Variants in SLC35F2 observed in about 807,000 individuals in gnomAD.
The protein encoded by SLC35F2 is queuine/queuosine transporter SLC35F2.
Under a neutral mutation model 38.1 loss-of-function variants are expected in SLC35F2, and 25 were observed. The observed-to-expected ratio is 0.66, with a 90% CI of 0.48 to 0.92. The LOEUF (loss-of-function observed/expected upper bound fraction) is 0.92, where lower values mean the gene tolerates loss of function less well. SLC35F2 is among the 40% of genes least tolerant of loss of function. The probability of loss-of-function intolerance (pLI) is 0.00; values close to 1 mark genes in which losing one functional copy is unlikely to be tolerated. For missense variants in SLC35F2, 409 were observed against 452.9 expected (o/e 0.90, Z 0.88); for synonymous variants, 173 against 181.7 (o/e 0.95, Z 0.38).
At chr11:107,793,238 G>A (rs774998449) in intron 7 of SLC35F2, among the ~76,000 whole-genome samples, 4 of 152,178 alleles carry the variant, frequency 2.6e-5, no homozygotes, top group Admixed American at 1.3e-4. Context: ...TTTTCTGAAA[G>A]TTACCTAAGG....
intron 1 of SLC35F2, among the ~76,000 whole-genome samples, chr11:107,818,072 A>AAAAAG (rs1555084051): frequency 7.2e-4 from 49 of 68,488 alleles, no homozygotes; most frequent in Non-Finnish European, 9.5e-4. Context: ...AAAAAAAAAA[A>AAAAAG]AAAGAAAGAA....
intron 1 of SLC35F2, among the ~76,000 whole-genome samples, chr11:107,846,405 A>G (rs1311273919): frequency 6.6e-6 from 1 of 152,130 alleles, no homozygotes; most frequent in Non-Finnish European, 1.5e-5. Context: ...AGTCTCATAT[A>G]TTTGTCTTAA....
At chr11:107,794,088 T>C (rs1323060323) in intron 7 of SLC35F2, among the ~76,000 whole-genome samples, 2 of 151,474 alleles carry the variant, frequency 1.3e-5, no homozygotes, top group African/African-American at 4.8e-5. Context: ...TTTTTCTTTT[T>C]TTTTTTTTTT....
chr11:107,849,770 C>T (rs1860149252), intron 1 of SLC35F2, among the ~76,000 whole-genome samples: 1 of 151,596 alleles, frequency 6.6e-6, no homozygotes, highest in Non-Finnish European at 1.5e-5. Flanking sequence ...AAGAAGCAAA[C>T]AAAAGAAGGA....
At chr11:107,849,001 GA>G (rs1188459493) in intron 1 of SLC35F2, among the ~76,000 whole-genome samples, 2 of 152,112 alleles carry the variant, frequency 1.3e-5, no homozygotes, top group South Asian at 2.1e-4. Context: ...ATTTTTGAAA[GA>G]GTAAAGCAGC....
intron 3 of SLC35F2, chr11:107,809,964 A>T: frequency 2.0e-6 from 2 of 985,412 alleles, no homozygotes; most frequent in Non-Finnish European, 2.4e-6. Context: ...CATGAGCAGC[A>T]ACCTGGGCCA....
chr11:107,845,586 G>C (rs1489720178), intron 1 of SLC35F2, among the ~76,000 whole-genome samples: 1 of 151,996 alleles, frequency 6.6e-6, no homozygotes, highest in Non-Finnish European at 1.5e-5. Context: ...GGTTTTTCAT[G>C]GAATCTCTCT....
At chr11:107,804,201 T>C (rs1859360886) in intron 6 of SLC35F2, among the ~76,000 whole-genome samples, 1 of 152,088 alleles carries the variant, frequency 6.6e-6, no homozygotes, top group Non-Finnish European at 1.5e-5. Flanking sequence ...ATGACACCTA[T>C]GTACTGTTTA....
intron 1 of SLC35F2, among the ~76,000 whole-genome samples, chr11:107,833,295 G>A (rs1859879077): frequency 6.6e-6 from 1 of 152,092 alleles, no homozygotes; most frequent in African/African-American, 2.4e-5. Context: ...GCTGAGGTGG[G>A]CAGATCACGA....
chr11:107,810,619 T>A (rs1003500678), intron 3 of SLC35F2: 9 of 985,268 alleles, frequency 9.1e-6, no homozygotes, highest in Non-Finnish European at 1.1e-5. Flanking sequence ...GTGCCTCCTA[T>A]AGTGTCTGTC....
intron 1 of SLC35F2, among the ~76,000 whole-genome samples, chr11:107,853,775 C>CAG (rs1860231200): frequency 6.7e-6 from 1 of 149,824 alleles, no homozygotes; most frequent in Non-Finnish European, 1.5e-5. Context: ...GTCCAGCACT[C>CAG]TGCTACAAAA....
At chr11:107,858,537 C>A (rs748561488) in intron 1 of SLC35F2, 121 bp downstream of exon 1, 82 of 909,274 alleles carry the variant, frequency 9.0e-5, no homozygotes, top group South Asian at 1.2e-4. Context: ...GAAGTCCGTG[C>A]GGCCGCCACC....
chr11:107,814,077 A>G (rs1859524088), intron 2 of SLC35F2, among the ~76,000 whole-genome samples: 1 of 152,180 alleles, frequency 6.6e-6, no homozygotes, highest in Non-Finnish European at 1.5e-5. Context: ...TAACCTTTGC[A>G]AGGCTTTTTC....
chr11:107,810,822 T>A (rs948753895), intron 3 of SLC35F2: 2 of 977,674 alleles, frequency 2.0e-6, no homozygotes, highest in African/African-American at 1.8e-5. Context: ...GCGAAATAAG[T>A]CTAATTTCAA....
rs191757680 is a variant in SLC35F2 at position 107,825,522 on chromosome 11, C to T, written c.111-9557G>A. ...CAGTAGCTGGGATTACAGGCGCCTG[C>T]CACCACACACAGCTTATTTTTGTAG... On this transcript the variant is annotated intron_variant, in intron 1 of 7. Transcript: ENST00000525815. 5.3e-3 allele frequency among the ~76,000 whole-genome samples: 799 copies of T among 152,134 alleles called. 3 individuals are homozygous for T. The highest frequency in any genetic ancestry group is 7.7e-3 in the Non-Finnish European group (526 of 67,998).
At chr11:107,857,655 ATCTT>A (rs988059437) in intron 1 of SLC35F2, among the ~76,000 whole-genome samples, 2 of 152,160 alleles carry the variant, frequency 1.3e-5, no homozygotes, top group African/African-American at 4.8e-5. Context: ...TTTCAGGACT[ATCTT>A]TCACAATCGT....
At position 107,792,668 on chromosome 11, in the gene SLC35F2, G is replaced by C. The variant is rs748744667; in HGVS notation, c.1072C>G (p.Leu358Val). ...PPVTSIGIDN[L>V]GLKLEENLQE... ...AGGTTCTCCTCCAGCTTCAGCCCCA[G>C]GTTGTCAATCCCAATGCTGGTGACT... The change falls in exon 8 of 8, where the codon CTG becomes GTG. Residue 358 changes from leucine to valine, a missense_variant. By Grantham distance (32) the Leu-to-Val change is conservative. Coordinates refer to ENST00000525815, the MANE Select transcript of SLC35F2 (RefSeq NM_017515.5). 1.9e-6 allele frequency: 3 copies of C among 1,613,832 alleles called. No homozygotes were observed. Among genetic ancestry groups the C allele is most frequent in the East Asian group, 2.2e-5 (1 of 44,858 alleles).
chr11:107,857,822 T>A (rs1860317932), intron 1 of SLC35F2, among the ~76,000 whole-genome samples: 1 of 152,156 alleles, frequency 6.6e-6, no homozygotes, highest in South Asian at 2.1e-4. Context: ...CTTCTTTGTT[T>A]CTCCAGCGGC....
At chr11:107,842,987 T>A (rs1860035348) in intron 1 of SLC35F2, among the ~76,000 whole-genome samples, 1 of 152,150 alleles carries the variant, frequency 6.6e-6, no homozygotes, top group Non-Finnish European at 1.5e-5. Flanking sequence ...AAAGTGAGTG[T>A]TTGTATACAG....
Sources: gnomAD v4.1 joint callset for allele counts (sites outside exome capture counted in the v4.1 genomes callset) on GRCh38, gnomAD v4.1.1 for gene constraint, MANE v1.5 for transcripts, NCBI Gene and HGNC (gene_info 2026-07-23, HGNC 2026-07-21) for gene names.